UBE3D: variants seen among roughly 807,000 people sequenced by gnomAD.
UBE3D encodes E3 ubiquitin-protein ligase E3D.
UBE3D carries 48 observed loss-of-function variants against 49.6 expected under a neutral mutation model. The ratio of observed to expected loss-of-function variants is 0.97; its 90% CI spans 0.77 to 1.23. The LOEUF (loss-of-function observed/expected upper bound fraction) is 1.23. Among genes scored for constraint, UBE3D ranks in the 50% most tolerant of loss-of-function variants. The pLI, the probability that UBE3D is intolerant of heterozygous loss-of-function variation, is 0.00. For missense variants in UBE3D, 452 were observed against 468.4 expected (o/e 0.96, Z 0.32); for synonymous variants, 189 against 174.2 (o/e 1.08, Z -0.67).
At chr6:83,040,481 T>C in intron 4 of UBE3D, among the ~76,000 whole-genome samples, 1 of 152,224 alleles carries the variant, frequency 6.6e-6, no homozygotes, top group Non-Finnish European at 1.5e-5. Flanking sequence ...CTCTATGGCC[T>C]ATTCTTTCCC....
intron 4 of UBE3D, among the ~76,000 whole-genome samples, chr6:83,041,671 C>T (rs1782679889): frequency 6.6e-6 from 1 of 152,048 alleles, no homozygotes; most frequent in African/African-American, 2.4e-5. Context: ...AGTTTGACAA[C>T]ACATTTTTCT....
chr6:82,886,691 C>T, the UBE3D span, among the ~76,000 whole-genome samples: 1 of 152,168 alleles, frequency 6.6e-6, no homozygotes, highest in Admixed American at 6.5e-5. Context: ...TGATTTTTAA[C>T]ACACACATTT....
At chr6:83,028,443 A>G (rs1781636180) in intron 5 of UBE3D, among the ~76,000 whole-genome samples, 1 of 152,186 alleles carries the variant, frequency 6.6e-6, no homozygotes, top group Non-Finnish European at 1.5e-5. Flanking sequence ...AATTCCCTCA[A>G]GTCCCAAAGG....
chr6:83,063,194 C>T, intron 1 of UBE3D: 1 of 278,728 alleles, frequency 3.6e-6, no homozygotes, highest in Admixed American at 4.3e-5. Flanking sequence ...GGGTGGATCG[C>T]TTGAGTCCAG....
intron 9 of UBE3D, among the ~76,000 whole-genome samples, chr6:82,948,387 A>G (rs1431102408): frequency 6.6e-6 from 1 of 151,998 alleles, no homozygotes; most frequent in African/African-American, 2.4e-5. Context: ...TCCCCAGTAA[A>G]GAAAAGCCCA....
At chr6:82,976,827 AAGGTAGGC>A in intron 8 of UBE3D, among the ~76,000 whole-genome samples, 1 of 152,104 alleles carries the variant, frequency 6.6e-6, no homozygotes, top group Non-Finnish European at 1.5e-5. Flanking sequence ...ACAGAAGGTA[AAGGTAGGC>A]CGGGCACAGT....
At chr6:82,999,921 C>T (rs920415592) in intron 8 of UBE3D, among the ~76,000 whole-genome samples, 1 of 152,196 alleles carries the variant, frequency 6.6e-6, no homozygotes, top group Non-Finnish European at 1.5e-5. Flanking sequence ...TTGTAATCTA[C>T]ATCCAATGCA....
chr6:83,044,693 A>C (rs1562222293), intron 3 of UBE3D, 34 bp from the exon 4 acceptor site: 1 of 1,457,330 alleles, frequency 6.9e-7, no homozygotes, highest in East Asian at 2.3e-5. Flanking sequence ...TTTTCACAGA[A>C]CAAAATGATA....
At chr6:83,056,974 A>G (rs1435893750) in intron 2 of UBE3D, among the ~76,000 whole-genome samples, 2 of 152,246 alleles carry the variant, frequency 1.3e-5, no homozygotes, top group African/African-American at 4.8e-5. Context: ...AGATGTAATG[A>G]ACCAATAATT....
At chr6:82,903,711 T>C (rs1169063999) in intron 9 of UBE3D, among the ~76,000 whole-genome samples, 1 of 152,082 alleles carries the variant, frequency 6.6e-6, no homozygotes, top group East Asian at 1.9e-4. Context: ...CATTTAAGAA[T>C]AAATACCATT....
At position 82,964,689 on chromosome 6, in the gene UBE3D, G is replaced by T. The variant is rs533487641; in HGVS notation, c.1011-7239C>A. ...AGCAAATTGCAACAACTTAGTGATA[G>T]AATTTTTATAAACATTCACCTATTT... On this transcript the variant is annotated intron_variant, in intron 8 of 9. Coordinates refer to ENST00000369747, the MANE Select transcript of UBE3D (RefSeq NM_198920.3). Among the ~76,000 whole-genome samples the T allele has an allele frequency of 6.6e-5, 10 of 152,210 alleles. No individual in the cohort carries two copies. In the South Asian group the frequency reaches 2.1e-3, roughly 32 times the overall value.
At chr6:83,040,147 G>A (rs1047413672) in intron 4 of UBE3D, among the ~76,000 whole-genome samples, 1 of 152,038 alleles carries the variant, frequency 6.6e-6, no homozygotes, top group African/African-American at 2.4e-5. Context: ...CACTTTTGGA[G>A]GCCAAGGCAG....
intron 9 of UBE3D, among the ~76,000 whole-genome samples, chr6:82,919,887 C>T (rs755591124): frequency 2.6e-5 from 4 of 152,054 alleles, no homozygotes; most frequent in East Asian, 3.9e-4. Context: ...ATTGTGGTTT[C>T]GACATCTATC....
intron 9 of UBE3D, among the ~76,000 whole-genome samples, chr6:82,940,283 C>G (rs1774914476): frequency 6.6e-6 from 1 of 152,056 alleles, no homozygotes; most frequent in Admixed American, 6.5e-5. Context: ...CACAGAACAC[C>G]CTGCAGGGCA....
intron 8 of UBE3D, among the ~76,000 whole-genome samples, chr6:82,965,532 G>A (rs1206061839): frequency 2.1e-5 from 3 of 144,836 alleles, no homozygotes; most frequent in South Asian, 4.3e-4. Context: ...GCGGTGAGCC[G>A]AGATACCGCC....
intron 8 of UBE3D, among the ~76,000 whole-genome samples, chr6:83,005,933 AGTCAAT>A (rs1779946351): frequency 1.3e-5 from 2 of 152,164 alleles, no homozygotes; most frequent in African/African-American, 4.8e-5. Context: ...ATCAAAAAGT[AGTCAAT>A]GTTGGCCAGG....
chr6:82,968,547 T>C (rs1582498870), intron 8 of UBE3D, among the ~76,000 whole-genome samples: 2 of 152,196 alleles, frequency 1.3e-5, no homozygotes, highest in Non-Finnish European at 2.9e-5. Context: ...TCTGGTACTT[T>C]GATTTGTTTG....
Position 82,941,357 on chromosome 6 carries a change from AAT to A in UBE3D, c.1149+15953_1149+15954del, listed in dbSNP as rs201532501. On this transcript the variant is annotated intron_variant, in intron 9 of 9. Transcript: ENST00000369747. ...TAGGGGAAAACATGACTTAAAAAAA[AAT>A]AATGGCTATAATTCACCCAGAGATG... 7.7e-3 allele frequency among the ~76,000 whole-genome samples: 1,141 copies of A among 147,592 alleles called. 10 individuals are homozygous for A. The highest frequency in any genetic ancestry group is 0.02 in the African/African-American group (801 of 40,186).
chr6:82,980,484 G>C (rs1272587052), intron 8 of UBE3D, among the ~76,000 whole-genome samples: 1 of 151,990 alleles, frequency 6.6e-6, no homozygotes, highest in African/African-American at 2.4e-5. Flanking sequence ...TTAGTCCTCT[G>C]TCAGTTGTAT....
Sources: gnomAD v4.1 joint callset for allele counts (sites outside exome capture counted in the v4.1 genomes callset) on GRCh38, gnomAD v4.1.1 for gene constraint, MANE v1.5 for transcripts, NCBI Gene and HGNC (gene_info 2026-07-23, HGNC 2026-07-21) for gene names.